Variants in TRAPPC9 observed in about 807,000 individuals in gnomAD.
The protein encoded by TRAPPC9 is trafficking protein particle complex subunit 9.
In TRAPPC9, 83 loss-of-function variants were observed where a neutral mutation model predicts 124.0. The observed-to-expected ratio is 0.67, with a 90% confidence interval of 0.56 to 0.80. The LOEUF is 0.80. Ranked by LOEUF, TRAPPC9 falls within the 30% of genes least tolerant of loss-of-function variation. The pLI is 0.00. For synonymous variants in TRAPPC9, 638 were observed against 617.5 expected, an observed-to-expected ratio of 1.03 and a Z score of -0.49; for missense variants, 1,302 against 1,508.3, an observed-to-expected ratio of 0.86 and a Z score of 2.27.
At chr8:139,919,917 C>T (rs904281304) in intron 19 of TRAPPC9, among the ~76,000 whole-genome samples, 3 of 152,222 alleles carry the variant, frequency 2.0e-5, no homozygotes, top group Admixed American at 6.5e-5. Context: ...CTGCCCGGAC[C>T]CTTCCGCCTA....
chr8:140,236,973 G>C (rs2063744882), intron 16 of TRAPPC9, among the ~76,000 whole-genome samples: 1 of 152,050 alleles, frequency 6.6e-6, no homozygotes, highest in African/African-American at 2.4e-5. Flanking sequence ...CGGAGGTCAG[G>C]AGTTTGAGAC....
At chr8:139,749,980 C>T (rs1250975366) in intron 21 of TRAPPC9, among the ~76,000 whole-genome samples, 6 of 152,144 alleles carry the variant, frequency 3.9e-5, no homozygotes, top group Non-Finnish European at 5.9e-5. Context: ...AACACAGAGA[C>T]GACCAGGAGC....
intron 21 of TRAPPC9, among the ~76,000 whole-genome samples, chr8:139,836,607 C>T (rs11782640): frequency 0.22 from 33,110 of 152,146 alleles, 5,092 homozygotes; most frequent in African/African-American, 0.41. Context: ...AAAACTCACA[C>T]GATTCATCCC....
At chr8:140,211,673 A>G (rs571724942) in intron 17 of TRAPPC9, among the ~76,000 whole-genome samples, 290 of 152,346 alleles carry the variant, frequency 1.9e-3, no homozygotes, top group African/African-American at 6.5e-3. Flanking sequence ...TAGAATCCCA[A>G]AAAACCCAGA....
intron 19 of TRAPPC9, among the ~76,000 whole-genome samples, chr8:139,980,376 C>A (rs1563661326): frequency 6.6e-6 from 1 of 152,186 alleles, no homozygotes; most frequent in African/African-American, 2.4e-5. Flanking sequence ...GCAAATGGGG[C>A]CCCAAATAAC....
At chr8:139,823,140 C>T (rs927778843) in intron 21 of TRAPPC9, among the ~76,000 whole-genome samples, 87 of 152,158 alleles carry the variant, frequency 5.7e-4, no homozygotes, top group African/African-American at 1.9e-3. Flanking sequence ...GGGGTTACGG[C>T]TGCAACACAT....
chr8:139,862,538 G>A lies in TRAPPC9; in HGVS notation c.3055+23341C>T, dbSNP rs188214118. On this transcript the variant is annotated intron_variant, in intron 21 of 22. Transcript: ENST00000438773. ...GTCAGCTTCAAAGGGGCCCAGAGGCGGGGACGCCTGTAAGGATCACTTCCT... is the reference window on the plus strand; with the variant it reads ...GTCAGCTTCAAAGGGGCCCAGAGGCAGGGACGCCTGTAAGGATCACTTCCT... Among the ~76,000 whole-genome samples, 56 of 152,348 alleles carry A rather than the reference G, an allele frequency of 3.7e-4. 1 individual carries two copies. The highest frequency in any genetic ancestry group is 1.1e-3 in the African/African-American group (45 of 41,574).
rs1817644227 is a variant in TRAPPC9, at chr8:139,728,084, G to A, written c.*2977C>T. 6.6e-6 allele frequency among the ~76,000 whole-genome samples: 1 copy of A among 152,068 alleles called. No homozygotes were observed. Among genetic ancestry groups the A allele is most frequent in the Admixed American group, 6.6e-5 (1 of 15,266 alleles). On this transcript the variant is annotated 3_prime_UTR_variant, in exon 23 of 23. Coordinates refer to ENST00000438773, the MANE Select transcript of TRAPPC9 (RefSeq NM_001160372.4). The stretch of plus-strand genomic sequence containing the variant: ...TGATATGAAAGTGTCCATGAAATAA[G>A]TATTTTTATCTCTATTTATTCAGAT...
intron 11 of TRAPPC9, among the ~76,000 whole-genome samples, chr8:140,298,654 A>C (rs1027485727): frequency 1.5e-5 from 2 of 134,580 alleles, no homozygotes; most frequent in African/African-American, 5.5e-5. Context: ...CCTGTCTCAA[A>C]GAAAAAAAAA....
chr8:139,771,157 C>A (rs1014422608), intron 21 of TRAPPC9, among the ~76,000 whole-genome samples: 3 of 152,138 alleles, frequency 2.0e-5, no homozygotes, highest in African/African-American at 4.8e-5. Context: ...CTCCTCCTTC[C>A]CAGCCACCTC....
intron 9 of TRAPPC9, among the ~76,000 whole-genome samples, chr8:140,356,484 C>T (rs998380875): frequency 2.6e-5 from 4 of 152,150 alleles, no homozygotes; most frequent in Admixed American, 6.5e-5. Flanking sequence ...CCATGGAAAC[C>T]GCAGGGTACC....
chr8:140,132,340 A>G (rs1412824267), intron 17 of TRAPPC9, among the ~76,000 whole-genome samples: 1 of 152,222 alleles, frequency 6.6e-6, no homozygotes, highest in Non-Finnish European at 1.5e-5. Flanking sequence ...GTAAGACTTC[A>G]TTTCTAATCT....
intron 17 of TRAPPC9, among the ~76,000 whole-genome samples, chr8:140,135,372 A>G (rs2061282325): frequency 2.6e-5 from 4 of 152,230 alleles, no homozygotes; most frequent in African/African-American, 9.6e-5. Context: ...CATTAGTCAC[A>G]ATAGCCAAAA....
At chr8:139,928,488 T>A (rs1303480907) in intron 19 of TRAPPC9, among the ~76,000 whole-genome samples, 2 of 148,828 alleles carry the variant, frequency 1.3e-5, no homozygotes, top group African/African-American at 5.0e-5. Flanking sequence ...TGAGACTCCA[T>A]CTCAAAAAAA....
rs189209327 is a variant in TRAPPC9 at position 140,086,328 on chromosome 8, G to A, written c.2557-62249C>T. Among the ~76,000 whole-genome samples the A allele has an allele frequency of 1.2e-3, 178 of 152,336 alleles. 1 individual carries two copies. Among genetic ancestry groups the A allele is most frequent in the African/African-American group, 4.2e-3 (174 of 41,572 alleles). ...AAAGGAGCAGGGAGAGGCAAGAAGA[G>A]ACAGAAGAAGCGGGGTAGAAATGGA... On this transcript the variant is annotated intron_variant, in intron 17 of 22. Coordinates refer to ENST00000438773, the MANE Select transcript of TRAPPC9 (RefSeq NM_001160372.4).
chr8:140,425,052 A>G (rs2070373387), intron 5 of TRAPPC9, among the ~76,000 whole-genome samples: 1 of 152,196 alleles, frequency 6.6e-6, no homozygotes, highest in Admixed American at 6.5e-5. Flanking sequence ...CATTGCTCCT[A>G]GGAGCTAGGA....
At chr8:140,107,220 C>T (rs57216752) in intron 17 of TRAPPC9, among the ~76,000 whole-genome samples, 1 of 152,184 alleles carries the variant, frequency 6.6e-6, no homozygotes, top group Non-Finnish European at 1.5e-5. Context: ...CAATTCAAAT[C>T]CCCTCCTCTG....
At chr8:140,031,200 A>G (rs771743480) in intron 17 of TRAPPC9, among the ~76,000 whole-genome samples, 11 of 152,190 alleles carry the variant, frequency 7.2e-5, no homozygotes, top group Non-Finnish European at 1.2e-4. Flanking sequence ...TCTGCATCAG[A>G]AGAAACAGCA....
chr8:139,932,192 C>A (rs746724876), intron 19 of TRAPPC9: 5 of 400,040 alleles, frequency 1.2e-5, no homozygotes, highest in Non-Finnish European at 2.0e-5. Flanking sequence ...CAAGGAGAAA[C>A]CAGCCAGGCA....
Sources: allele counts gnomAD v4.1 joint callset (sites outside exome capture counted in the v4.1 genomes callset), GRCh38; gene constraint gnomAD v4.1.1; transcripts MANE v1.5; gene names NCBI Gene and HGNC (gene_info 2026-07-23, HGNC 2026-07-21).